Variants in LIPT1 observed in about 807,000 individuals in gnomAD.
The protein encoded by LIPT1 is lipoyl amidotransferase LIPT1, mitochondrial.
A neutral mutation model predicts 25.1 loss-of-function variants in LIPT1; 22 were observed. That is an observed-to-expected ratio of 0.88 (90% CI 0.63 to 1.25). LIPT1 has a LOEUF of 1.25. LIPT1 is among the 50% of genes most tolerant of loss of function. The pLI is 0.00. For missense variants in LIPT1, 399 were observed against 432.8 expected (o/e 0.92, Z 0.69); for synonymous variants, 131 against 150.8 (o/e 0.87, Z 0.96).
chr2:99,158,468 CA>C (rs1467255724), intron 1 of LIPT1, among the ~76,000 whole-genome samples: 20 of 147,634 alleles, frequency 1.4e-4, no homozygotes, highest in African/African-American at 5.0e-4. Context: ...GGCGTGGTGG[CA>C]CATGCTGGCT....
chr2:99,158,112 T>C (rs1434196316), intron 1 of LIPT1, among the ~76,000 whole-genome samples: 1 of 152,120 alleles, frequency 6.6e-6, no homozygotes, highest in Non-Finnish European at 1.5e-5. Flanking sequence ...ATCTGAGACA[T>C]AGAAAAGTAA....
rs1285975352 is a variant in LIPT1, at chr2:99,163,083, C to T, written c.*4C>T. 1 of 1,503,978 alleles carries T rather than the reference C, an allele frequency of 6.6e-7. No homozygotes were observed. The highest frequency in any genetic ancestry group is 8.9e-7 in the Non-Finnish European group (1 of 1,122,172). The allele number at this position is 1,503,978 out of a possible 1,614,324, so 93.2% of individuals were successfully genotyped here. ...AAAAATTAAGGGAATAATGTGATTC[C>T]AAGTAAATGTCTTAATACAGTTTCA... On this transcript the variant is annotated 3_prime_UTR_variant, in exon 2 of 2. Transcript: ENST00000651691.
rs1169150010 is a variant in LIPT1 at position 99,162,507 on chromosome 2, A to G, written c.550A>G (p.Thr184Ala). The change falls in exon 2 of 2, where the codon ACT (threonine) becomes GCT (alanine). Residue 184 changes from threonine to alanine, a missense_variant. By Grantham distance (58) the Thr-to-Ala change is moderately conservative (BLOSUM62 0). Transcript: ENST00000651691. ...TCACCATTGCACTTTATTATGTAGTACTGATGGGACGTTCTTGTCTTCTTT... is the reference window on the plus strand; with the variant it reads ...TCACCATTGCACTTTATTATGTAGTGCTGATGGGACGTTCTTGTCTTCTTT... ...AYHHCTLLCS[T>A]DGTFLSSLLK... is the part of the protein sequence containing the mutation. 1 of 1,614,170 alleles carries G rather than the reference A, an allele frequency of 6.2e-7. No homozygotes were observed. The highest frequency in any genetic ancestry group is 1.7e-5 in the Admixed American group (1 of 60,024).
chr2:99,159,117 A>G (rs1326375182), intron 1 of LIPT1, among the ~76,000 whole-genome samples: 6 of 151,576 alleles, frequency 4.0e-5, no homozygotes, highest in Non-Finnish European at 8.8e-5. Flanking sequence ...TTTAGTAGAG[A>G]CGGGGTTTCA....
chr2:99,158,997 C>T (rs989432927), intron 1 of LIPT1, among the ~76,000 whole-genome samples: 16 of 152,120 alleles, frequency 1.1e-4, no homozygotes, highest in Non-Finnish European at 1.8e-4. Flanking sequence ...GGCACGATCT[C>T]GGCTCACTGC....
At chr2:99,159,422 G>A (rs551179469) in intron 1 of LIPT1, among the ~76,000 whole-genome samples, 11 of 151,972 alleles carry the variant, frequency 7.2e-5, no homozygotes, top group Admixed American at 3.3e-4. Flanking sequence ...CTCTCCTACC[G>A]TACTTTAGGC....
chr2:99,159,425 C>G (rs1213090981), intron 1 of LIPT1, among the ~76,000 whole-genome samples: 18 of 152,120 alleles, frequency 1.2e-4, no homozygotes, highest in African/African-American at 4.1e-4. Context: ...TCCTACCGTA[C>G]TTTAGGCCCT....
chr2:99,160,252 T>C (rs1347619134), intron 1 of LIPT1, among the ~76,000 whole-genome samples: 3 of 151,966 alleles, frequency 2.0e-5, no homozygotes, highest in Non-Finnish European at 4.4e-5. Flanking sequence ...TACAAAAAAT[T>C]TAAAAATTAG....
At chr2:99,159,239 A>AT (rs1250539736) in intron 1 of LIPT1, among the ~76,000 whole-genome samples, 5 of 148,310 alleles carry the variant, frequency 3.4e-5, no homozygotes, top group Non-Finnish European at 3.0e-5. Context: ...AATTTTTTGT[A>AT]TTTTTAGTAG....
At chr2:99,161,363 G>A (rs1199415958) in intron 1 of LIPT1, 1 of 122,222 alleles carries the variant, frequency 8.2e-6, no homozygotes, top group African/African-American at 3.2e-5. Flanking sequence ...TGAAATAATA[G>A]TATGGGGAGG....
intron 1 of LIPT1, chr2:99,155,477 T>TA (rs958569208): frequency 2.2e-6 from 1 of 455,926 alleles, no homozygotes; most frequent in Non-Finnish European, 4.4e-6. Context: ...TGTTTTCGCT[T>TA]TCAGTTCAGT....
intron 1 of LIPT1, among the ~76,000 whole-genome samples, chr2:99,160,782 A>G (rs1425618205): frequency 6.6e-6 from 1 of 152,224 alleles, no homozygotes; most frequent in East Asian, 1.9e-4. Context: ...AGTAAATCAT[A>G]TATCCCAAAG....
chr2:99,162,369 A>G lies in LIPT1; in HGVS notation c.412A>G (p.Asn138Asp). 6.2e-7 allele frequency: 1 copy of G among 1,614,024 alleles called. No individual in the cohort carries two copies. The highest frequency in any genetic ancestry group is 1.6e-4 in the Middle Eastern group (1 of 6,062). ...ENLKLIVRALNAVQPQLDVQA... is the reference protein window; with the variant it reads ...ENLKLIVRALDAVQPQLDVQA... ...TCTGAAATTAATTGTGAGAGCTCTG[A>G]ATGCTGTCCAACCCCAGCTGGATGT... Residue 138 changes from asparagine to aspartate, a missense_variant, in exon 2 of 2, where the codon AAT becomes GAT. Physicochemically the swap from Asn to Asp is conservative, Grantham distance 23. Transcript: ENST00000651691.
At chr2:99,159,119 G>A (rs889497247) in intron 1 of LIPT1, among the ~76,000 whole-genome samples, 6 of 151,414 alleles carry the variant, frequency 4.0e-5, no homozygotes, top group Non-Finnish European at 1.5e-5. Context: ...TAGTAGAGAC[G>A]GGGTTTCACT....
At chr2:99,155,506 G>A (rs1205640525) in intron 1 of LIPT1, 1 of 455,992 alleles carries the variant, frequency 2.2e-6, no homozygotes, top group Non-Finnish European at 4.4e-6. Context: ...GCCGTGTTTG[G>A]CAGTGCAGAG....
intron 1 of LIPT1, among the ~76,000 whole-genome samples, chr2:99,158,122 A>G (rs1246967122): frequency 1.3e-5 from 2 of 152,228 alleles, no homozygotes; most frequent in African/African-American, 4.8e-5. Context: ...TAGAAAAGTA[A>G]TCTGCCTTAG....
At position 99,162,317 on chromosome 2, in the gene LIPT1, CAAAA is replaced by C; in HGVS notation, c.365_368del (p.Lys122SerfsTer8). On this transcript the variant is annotated frameshift_variant, in exon 2 of 2. Coordinates refer to ENST00000651691, the MANE Select transcript of LIPT1 (RefSeq NM_145199.3). LOFTEE classifies it high-confidence loss of function. ...ATATCAATTTGACTTTCTTTACAAC[CAAAA>C]AAAAGTATGATAGAATGGAAAATCT... 2 of 1,610,302 alleles carry C rather than the reference CAAAA, an allele frequency of 1.2e-6. No individual in the cohort carries two copies. Among genetic ancestry groups the C allele is most frequent in the Non-Finnish European group, 1.7e-6 (2 of 1,178,714 alleles).
intron 1 of LIPT1, chr2:99,161,327 T>G (rs112699404): frequency 3.0e-5 from 3 of 100,186 alleles, no homozygotes; most frequent in Non-Finnish European, 5.7e-5. Context: ...TATATATATA[T>G]ATATATATAT....
chr2:99,161,848 A>G, intron 1 of LIPT1, 109 bp from the exon 2 acceptor site: 1 of 951,818 alleles, frequency 1.1e-6, no homozygotes, highest in Non-Finnish European at 1.6e-6. Flanking sequence ...AAGCAACTGC[A>G]CTGGATACTT....
Sources: allele counts gnomAD v4.1 joint callset (sites outside exome capture counted in the v4.1 genomes callset), GRCh38; gene constraint gnomAD v4.1.1; transcripts MANE v1.5; gene names NCBI Gene and HGNC (gene_info 2026-07-23, HGNC 2026-07-21).